Variants in MTREX observed in about 807,000 individuals in gnomAD.
MTREX encodes the protein Mtr4 exosome RNA helicase, also known as exosome RNA helicase MTR4.
Under a neutral mutation model 135.4 loss-of-function variants are expected in MTREX, and 76 were observed. That is an observed-to-expected ratio of 0.56 (90% CI 0.47 to 0.68). MTREX has a LOEUF of 0.68. Among genes scored for constraint, MTREX ranks in the 30% least tolerant of loss-of-function variants. MTREX has a pLI of 0.00. For synonymous variants in MTREX, 404 were observed against 401.6 expected (o/e 1.01, Z -0.07); for missense variants, 920 against 1,262.1 (o/e 0.73, Z 4.11).
chr5:55,421,497 T>C (rs1751055106), intron 25 of MTREX, among the ~76,000 whole-genome samples: 1 of 152,248 alleles, frequency 6.6e-6, no homozygotes, highest in African/African-American at 2.4e-5. Flanking sequence ...TTACAAAATG[T>C]GACATGACAG....
rs1750506477 is a variant in MTREX at position 55,388,026 on chromosome 5, G to A, written c.2105G>A (p.Cys702Tyr). 1 of 1,608,486 alleles carries A rather than the reference G, an allele frequency of 6.2e-7. No homozygotes were observed. Among genetic ancestry groups the A allele is most frequent in the African/African-American group, 1.3e-5 (1 of 74,830 alleles). The part of the protein sequence containing the change: ...PLYVVEVLLR[C>Y]SKESLKNSAT... The stretch of plus-strand genomic sequence containing the variant: ...TATGTAGTAGAAGTACTTCTGCGCT[G>A]TAGCAAAGAGAGCTTGAAAAATTCA... The change falls in exon 19 of 27, where the codon TGT becomes TAT. Residue 702 changes from cysteine (C) to tyrosine (Y), a missense_variant. This residue lies in a region of MTREX where 467 missense variants were observed against 589.7 expected (regional missense o/e 0.79). Coordinates refer to ENST00000230640, the MANE Select transcript of MTREX (RefSeq NM_015360.5).
chr5:55,371,155 A>G (rs1002003504), intron 16 of MTREX, among the ~76,000 whole-genome samples: 5 of 152,204 alleles, frequency 3.3e-5, no homozygotes, highest in Admixed American at 2.0e-4. Flanking sequence ...AATCAAGGCT[A>G]CCTGAGCCTC....
chr5:55,400,306 G>T lies in MTREX; in HGVS notation c.2366G>T (p.Gly789Val), dbSNP rs761463977. Residue 789 changes from glycine to valine, a missense_variant, in exon 21 of 27, where the codon GGG (glycine) becomes GTG (valine). Gly to Val is a moderately radical substitution (Grantham distance 109, BLOSUM62 -3). This residue lies in a region of MTREX where 467 missense variants were observed against 589.7 expected (regional missense o/e 0.79). Transcript: ENST00000230640. ...GATGATATGGGCATTCAAGATCAAG[G>T]GCTGAAAAAAGTCATTCAGAAAGTA... ...PIDDMGIQDQ[G>V]LKKVIQKVEA... The T allele has an allele frequency of 6.2e-7, 1 of 1,612,948 alleles. No individual in the cohort carries two copies. The highest frequency in any genetic ancestry group is 2.2e-5 in the East Asian group (1 of 44,800).
chr5:55,413,419 AT>A (rs1750915172), intron 23 of MTREX, among the ~76,000 whole-genome samples: 1 of 43,344 alleles, frequency 2.3e-5, no homozygotes, highest in South Asian at 1.3e-3. Context: ...TAGTAATTTT[AT>A]TTTTGTACAG....
intron 11 of MTREX, among the ~76,000 whole-genome samples, chr5:55,348,381 G>A (rs1749773221): frequency 6.6e-6 from 1 of 152,148 alleles, no homozygotes; most frequent in African/African-American, 2.4e-5. Flanking sequence ...TTTCATTGTG[G>A]ATTAAGGGGT....
At position 55,418,227 on chromosome 5, in the gene MTREX, C is replaced by A. The variant is rs1308848175; in HGVS notation, c.2971+2095C>A. On this transcript the variant is annotated intron_variant, in intron 25 of 26. Transcript: ENST00000230640. The stretch of plus-strand genomic sequence containing the variant: ...CCAGCCTGGGTGACAGAGCGAGACA[C>A]CATCTCAAAAAAAAAAAAAGAAAAA... 5.5e-5 allele frequency among the ~76,000 whole-genome samples: 5 copies of A among 91,624 alleles called. No homozygotes were observed. The South Asian group carries it at 1.9e-3, about 35-fold the overall frequency. The allele number at this position is 91,624 out of a possible 152,430, so 60.1% of individuals were successfully genotyped here. A position where few individuals can be genotyped will look rare whatever the true frequency, so the allele number is the denominator to read the frequency against.
At position 55,412,335 on chromosome 5, in the gene MTREX, T is replaced by C. The variant is rs545877328; in HGVS notation, c.2751+1706T>C. On this transcript the variant is annotated intron_variant, in intron 23 of 26. Coordinates refer to ENST00000230640, the MANE Select transcript of MTREX (RefSeq NM_015360.5). ...TGTATTTATAAAACTGTCTCTACATTTTAAAAATAATATTTAAAAGGTTAT... is the reference window on the plus strand; with the variant it reads ...TGTATTTATAAAACTGTCTCTACATCTTAAAAATAATATTTAAAAGGTTAT... Among the ~76,000 whole-genome samples, 4 of 152,320 alleles carry C rather than the reference T, an allele frequency of 2.6e-5. No individual in the cohort carries two copies. The South Asian group carries it at 8.3e-4, about 32-fold the overall frequency.
intron 5 of MTREX, among the ~76,000 whole-genome samples, chr5:55,339,580 A>C (rs535166844): frequency 2.0e-5 from 3 of 152,338 alleles, no homozygotes; most frequent in African/African-American, 7.2e-5. Flanking sequence ...TAACTGTTAC[A>C]TGTGGGAAAA....
intron 1 of MTREX, among the ~76,000 whole-genome samples, chr5:55,320,340 G>A (rs1370069405): frequency 2.0e-5 from 3 of 150,504 alleles, no homozygotes; most frequent in African/African-American, 2.5e-5. Flanking sequence ...TCAGCCTCCC[G>A]AGTACCTGGG....
At chr5:55,345,727 T>C (rs1749722282) in intron 10 of MTREX, among the ~76,000 whole-genome samples, 1 of 130,374 alleles carries the variant, frequency 7.7e-6, no homozygotes, top group Non-Finnish European at 1.6e-5. Flanking sequence ...AGTACACTGG[T>C]GCTGTCTTGG....
At chr5:55,416,433 ATTT>A (rs1221939792) in intron 25 of MTREX, among the ~76,000 whole-genome samples, 1 of 151,970 alleles carries the variant, frequency 6.6e-6, no homozygotes, top group Non-Finnish European at 1.5e-5. Context: ...TTATGTGGGT[ATTT>A]TTCCTTTTCA....
chr5:55,331,398 G>A (rs1193306551), intron 5 of MTREX, among the ~76,000 whole-genome samples: 1 of 152,056 alleles, frequency 6.6e-6, no homozygotes, highest in East Asian at 1.9e-4. Context: ...TTTTAGGCAC[G>A]ACCAGAGTAG....
intron 16 of MTREX, among the ~76,000 whole-genome samples, chr5:55,377,741 C>T (rs754169908): frequency 2.3e-4 from 35 of 152,082 alleles, no homozygotes; most frequent in Non-Finnish European, 4.4e-4. Context: ...ACTCCCATAG[C>T]CTTTGTTAGT....
intron 25 of MTREX, 24 bp from the exon 26 acceptor site, chr5:55,422,854 G>A: frequency 6.3e-7 from 1 of 1,585,524 alleles, no homozygotes; most frequent in Admixed American, 1.8e-5. Context: ...CATTTTACCA[G>A]TGTTTTGTTC....
chr5:55,324,947 A>T (rs2112034978), intron 3 of MTREX, among the ~76,000 whole-genome samples: 1 of 152,300 alleles, frequency 6.6e-6, no homozygotes, highest in South Asian at 2.1e-4. Context: ...TTTGAAGGTT[A>T]CATGCTATTT....
rs897080624 is a variant in MTREX, at chr5:55,415,777, A to G, written c.2809-193A>G. ...TTTCTTAGTTAACTACCTCAACATA[A>G]TGGGAAAGATTGGCCGTTTAATCAC... is the stretch of plus-strand genomic sequence containing the variant. On this transcript the variant is annotated intron_variant, in intron 24 of 26. Coordinates refer to ENST00000230640, the MANE Select transcript of MTREX (RefSeq NM_015360.5). Among the ~76,000 whole-genome samples, 6 of 152,190 alleles carry G rather than the reference A, an allele frequency of 3.9e-5. No individual in the cohort carries two copies. In the South Asian group the frequency reaches 1.0e-3, roughly 26 times the overall value.
At chr5:55,353,453 A>T (rs1196352033) in intron 14 of MTREX, among the ~76,000 whole-genome samples, 184 bp downstream of exon 14, 1 of 152,220 alleles carries the variant, frequency 6.6e-6, no homozygotes, top group African/African-American at 2.4e-5. Flanking sequence ...TTATAATCAC[A>T]GCACTTTGGG....
intron 15 of MTREX, among the ~76,000 whole-genome samples, chr5:55,363,442 T>C (rs918351832): frequency 6.6e-6 from 1 of 151,260 alleles, no homozygotes; most frequent in Non-Finnish European, 1.5e-5. Context: ...AGTAAGCAAA[T>C]TGGCAAAAAG....
At chr5:55,354,174 A>C (rs922816185) in intron 14 of MTREX, among the ~76,000 whole-genome samples, 9 of 152,220 alleles carry the variant, frequency 5.9e-5, no homozygotes, top group Non-Finnish European at 1.0e-4. Context: ...AAGACAATCC[A>C]GACTCGTTTC....
Sources: allele counts gnomAD v4.1 joint callset (sites outside exome capture counted in the v4.1 genomes callset), GRCh38; gene constraint gnomAD v4.1.1; regional missense constraint gnomAD v4.1.1; transcripts MANE v1.5; gene names NCBI Gene and HGNC (gene_info 2026-07-23, HGNC 2026-07-21).